CAMK4: variants seen among roughly 807,000 people sequenced by gnomAD.
CAMK4 encodes the protein calcium/calmodulin-dependent protein kinase type IV.
A neutral mutation model predicts 44.9 loss-of-function variants in CAMK4; 22 were observed. The observed-to-expected ratio is 0.49, with a 90% CI of 0.35 to 0.70. The LOEUF (loss-of-function observed/expected upper bound fraction) is 0.70. Among genes scored for constraint, CAMK4 ranks in the 30% least tolerant of loss-of-function variants. The pLI is 0.01. For missense variants in CAMK4, 498 were observed against 586.8 expected, an observed-to-expected ratio of 0.85 and a Z score of 1.56; for synonymous variants, 218 against 215.4, an observed-to-expected ratio of 1.01 and a Z score of -0.11.
chr5:111,282,971 G>A (rs977998078), intron 1 of CAMK4: 3 of 152,218 alleles, frequency 2.0e-5, no homozygotes, highest in African/African-American at 7.2e-5. Context: ...GTGATCATGT[G>A]GCTGACTGGG....
At chr5:111,354,477 T>C (rs1215622772) in intron 2 of CAMK4, among the ~76,000 whole-genome samples, 2 of 151,318 alleles carry the variant, frequency 1.3e-5, no homozygotes, top group Non-Finnish European at 2.9e-5. Flanking sequence ...GGTGATGGAT[T>C]TGTTAATTAG....
chr5:111,425,237 C>A (rs539353287), intron 5 of CAMK4, among the ~76,000 whole-genome samples: 4 of 151,244 alleles, frequency 2.6e-5, no homozygotes, highest in Middle Eastern at 3.4e-3. Context: ...ATATTTAAAT[C>A]TTTGTAGCCA....
intron 1 of CAMK4, among the ~76,000 whole-genome samples, chr5:111,238,699 C>T (rs1748852550): frequency 6.7e-6 from 1 of 148,264 alleles, no homozygotes; most frequent in African/African-American, 2.5e-5. Context: ...AGATGCCTGA[C>T]ATTTCCTCCC....
rs1248571831 is a variant in CAMK4 at position 111,331,153 on chromosome 5, A to C, written c.162-12871A>C. Among the ~76,000 whole-genome samples, 3 of 151,846 alleles carry C rather than the reference A, an allele frequency of 2.0e-5. No individual in the cohort carries two copies. In the East Asian group the frequency reaches 5.9e-4, roughly 30 times the overall value. The stretch of plus-strand genomic sequence containing the variant: ...AAGATTATGATTATCAAAAGACACC[A>C]TTAAGAACAATAACAAAGCAAACTA... On this transcript the variant is annotated intron_variant, in intron 1 of 10. Transcript: ENST00000282356.
rs1441806364 is a variant in CAMK4 at position 111,224,418 on chromosome 5, C to A, written c.-66C>A. The A allele has an allele frequency of 6.0e-6, 9 of 1,498,172 alleles. No homozygotes were observed. Among genetic ancestry groups the A allele is most frequent in the South Asian group, 5.1e-5 (4 of 78,024 alleles). 92.8% of individuals were successfully genotyped at this position (1,498,172 alleles called of 1,614,324 possible). On this transcript the variant is annotated 5_prime_UTR_variant, in exon 1 of 11. Transcript: ENST00000282356. This position sits in a 1 kb window ranked among gnomAD's most constrained non-coding sequence, Gnocchi z 5.7. ...TCCTGCGTTCGCAGGCGGCGGCTGG[C>A]GGCCGGCTTCTCGCTCGGGCAGCGG...
chr5:111,356,382 C>G (rs11953768), intron 2 of CAMK4, among the ~76,000 whole-genome samples: 1 of 151,436 alleles, frequency 6.6e-6, no homozygotes, highest in Non-Finnish European at 1.5e-5. Context: ...TGTTTGAGTT[C>G]ATTGTAGATT....
chr5:111,284,982 T>C (rs1442050148), intron 1 of CAMK4, among the ~76,000 whole-genome samples: 1 of 152,258 alleles, frequency 6.6e-6, no homozygotes, highest in Non-Finnish European at 1.5e-5. Flanking sequence ...TGCTATGTCA[T>C]ATGCTACACA....
intron 1 of CAMK4, among the ~76,000 whole-genome samples, chr5:111,259,432 C>G (rs568488782): frequency 6.6e-6 from 1 of 152,244 alleles, no homozygotes; most frequent in East Asian, 1.9e-4. Flanking sequence ...CCCAAGTTCC[C>G]TGAAAGATAT....
chr5:111,355,510 A>ATTTATTTATTTATTTATTTC (rs1226165305), intron 2 of CAMK4, among the ~76,000 whole-genome samples: 1 of 145,828 alleles, frequency 6.9e-6, no homozygotes, highest in Non-Finnish European at 1.5e-5. Flanking sequence ...TTATTTATTT[A>ATTTATTTATTTATTTATTTC]TTTTATTATA....
intron 1 of CAMK4, among the ~76,000 whole-genome samples, chr5:111,323,894 A>G (rs1398464860): frequency 1.3e-5 from 2 of 152,104 alleles, no homozygotes; most frequent in Admixed American, 1.3e-4. Context: ...TTTTAAGTCA[A>G]TTGATCGTTT....
At chr5:111,408,963 C>T (rs1752534932) in intron 5 of CAMK4, among the ~76,000 whole-genome samples, 1 of 152,164 alleles carries the variant, frequency 6.6e-6, no homozygotes, top group Non-Finnish European at 1.5e-5. Flanking sequence ...GAAGCTCTGC[C>T]TCTGTGGCTT....
chr5:111,277,168 G>T (rs1230134534), intron 1 of CAMK4, among the ~76,000 whole-genome samples: 2 of 152,190 alleles, frequency 1.3e-5, no homozygotes, highest in Non-Finnish European at 2.9e-5. Flanking sequence ...AGATTTTACA[G>T]ACAGAACGCA....
At chr5:111,261,568 T>G (rs1749977649) in intron 1 of CAMK4, among the ~76,000 whole-genome samples, 1 of 152,106 alleles carries the variant, frequency 6.6e-6, no homozygotes, top group Admixed American at 6.5e-5. Flanking sequence ...ATAGTTTTTT[T>G]TTTTTTTTCC....
At chr5:111,268,202 A>G (rs1750350346) in intron 1 of CAMK4, among the ~76,000 whole-genome samples, 1 of 152,210 alleles carries the variant, frequency 6.6e-6, no homozygotes, top group Non-Finnish European at 1.5e-5. Context: ...ATTTACTTCC[A>G]GTGAATATGG....
At chr5:111,224,381 CCTCT>C (rs980708866) in exon 1 of CAMK4, 2 of 1,405,300 alleles carry the variant, frequency 1.4e-6, no homozygotes, top group African/African-American at 1.5e-5. This position sits in a 1 kb window ranked among gnomAD's most constrained non-coding sequence, Gnocchi z 5.7. Context: ...AAGGACGCCG[CCTCT>C]CTCTCGCTCC....
At position 111,294,557 on chromosome 5, in the gene CAMK4, A is replaced by G. The variant is rs534307947; in HGVS notation, c.162-49467A>G. Among the ~76,000 whole-genome samples the G allele has an allele frequency of 3.3e-5, 5 of 152,326 alleles. No individual in the cohort carries two copies. The South Asian group carries it at 1.0e-3, about 32-fold the overall frequency. On this transcript the variant is annotated intron_variant, in intron 1 of 10. Transcript: ENST00000282356. ...GTTTTCAGAGTCCTGGTTGAGATAT[A>G]TATTATTCAGTTCAAAAGCAAGATG...
intron 1 of CAMK4, among the ~76,000 whole-genome samples, chr5:111,281,600 G>T (rs1751020499): frequency 6.6e-6 from 1 of 152,078 alleles, no homozygotes; most frequent in Non-Finnish European, 1.5e-5. Context: ...TGGCCTCTCT[G>T]GGTTATGTAA....
intron 1 of CAMK4, among the ~76,000 whole-genome samples, chr5:111,332,788 A>G (rs1034086777): frequency 6.6e-5 from 10 of 151,720 alleles, no homozygotes; most frequent in Non-Finnish European, 1.5e-4. Context: ...AAGATTTCCC[A>G]TAGACAGCAG....
chr5:111,451,834 G>C (rs1287574657), intron 7 of CAMK4, among the ~76,000 whole-genome samples: 1 of 152,190 alleles, frequency 6.6e-6, no homozygotes, highest in African/African-American at 2.4e-5. Context: ...AGGAGTTAGA[G>C]GCTGCAGTGA....
Sources: gnomAD v4.1 joint callset for allele counts (sites outside exome capture counted in the v4.1 genomes callset) on GRCh38, gnomAD v4.1.1 for gene constraint, Gnocchi (gnomAD v3.1) non-coding constraint, MANE v1.5 for transcripts, NCBI Gene and HGNC (gene_info 2026-07-23, HGNC 2026-07-21) for gene names.